SLC25A31: variants seen among roughly 807,000 people sequenced by gnomAD.
SLC25A31 encodes the protein solute carrier family 25 member 31.
Under a neutral mutation model 36.2 loss-of-function variants are expected in SLC25A31, and 40 were observed. The observed-to-expected ratio is 1.10, with a 90% confidence interval of 0.86 to 1.44. SLC25A31 has a LOEUF of 1.44. Among genes scored for constraint, SLC25A31 ranks in the 40% most tolerant of loss-of-function variants. The pLI is 0.00. For synonymous variants in SLC25A31, 143 were observed against 149.7 expected, an observed-to-expected ratio of 0.96 and a Z score of 0.32; for missense variants, 350 against 397.1, an observed-to-expected ratio of 0.88 and a Z score of 1.01.
chr4:127,772,175 C>T lies in SLC25A31; in HGVS notation c.760-1211C>T, dbSNP rs186639686. On this transcript the variant is annotated intron_variant, in intron 5 of 5. Transcript: ENST00000281154. ...AATTAAACGTTCATTGAATGTTTAG[C>T]AGAACTCACATGTAAAGCCTTTTGG... Among the ~76,000 whole-genome samples the T allele has an allele frequency of 1.7e-3, 262 of 152,266 alleles. 2 individuals carry two copies. The highest frequency in any genetic ancestry group is 6.0e-3 in the African/African-American group (250 of 41,562).
At position 127,739,556 on chromosome 4, in the gene SLC25A31, G is replaced by A. The variant is rs74924205; in HGVS notation, c.233-5116G>A. ...TTTAGTGTTGACCTTGGACATTCTG[G>A]TGACTATATGCCTTGGTGATTGATG... On this transcript the variant is annotated intron_variant, in intron 1 of 5. Transcript: ENST00000281154. Among the ~76,000 whole-genome samples the A allele has an allele frequency of 7.2e-3, 1,095 of 152,150 alleles. 12 individuals are homozygous for A. Among genetic ancestry groups the A allele is most frequent in the African/African-American group, 0.025 (1,044 of 41,494 alleles).
At chr4:127,770,989 C>G (rs1211139084) in intron 5 of SLC25A31, among the ~76,000 whole-genome samples, 2 of 131,842 alleles carry the variant, frequency 1.5e-5, no homozygotes. Flanking sequence ...TGGAGTCTCA[C>G]TGTGTCGCCG....
chr4:127,750,537 G>A (rs1015130194), intron 2 of SLC25A31, among the ~76,000 whole-genome samples: 42 of 151,996 alleles, frequency 2.8e-4, no homozygotes, highest in Middle Eastern at 3.2e-3. Context: ...AATCCTTAAC[G>A]TCAGAAGACA....
At chr4:127,754,227 T>A (rs1036425867) in intron 2 of SLC25A31, among the ~76,000 whole-genome samples, 1 of 152,140 alleles carries the variant, frequency 6.6e-6, no homozygotes, top group African/African-American at 2.4e-5. Flanking sequence ...GCTTTTTCTC[T>A]AAGATCACAA....
intron 5 of SLC25A31, among the ~76,000 whole-genome samples, chr4:127,770,949 CT>C (rs558206857): frequency 6.0e-3 from 484 of 80,828 alleles, no homozygotes; most frequent in African/African-American, 0.017. Flanking sequence ...TCTTCTTCTT[CT>C]TTTTTTTTTT....
intron 1 of SLC25A31, among the ~76,000 whole-genome samples, chr4:127,731,384 A>AT (rs1578652020): frequency 6.6e-6 from 1 of 151,678 alleles, no homozygotes; most frequent in East Asian, 1.9e-4. Flanking sequence ...AAAAAAAAAA[A>AT]CCCAACCCTC....
At chr4:127,762,479 A>ATGAAAATATTCT (rs1400110215) in intron 2 of SLC25A31, among the ~76,000 whole-genome samples, 1 of 152,196 alleles carries the variant, frequency 6.6e-6, no homozygotes, top group Non-Finnish European at 1.5e-5. Context: ...TTTTGGTGTG[A>ATGAAAATATTCT]TGAAAATATT....
rs201951318 is a variant in SLC25A31, at chr4:127,764,312, T to C, written c.430T>C (p.Tyr144His). 3.7e-6 allele frequency: 6 copies of C among 1,614,146 alleles called. No individual in the cohort carries two copies. In the Admixed American group the frequency reaches 1.0e-4, roughly 27 times the overall value. ...TGGGGCAACATCCTTATGTGTAGTA[T>C]ATCCTCTAGATTTTGCCCGAACCCG... Reference protein sequence around the residue: ...AAGATSLCVVYPLDFARTRLG... With the variant: ...AAGATSLCVVHPLDFARTRLG... Residue 144 changes from tyrosine to histidine, a missense_variant, in exon 3 of 6, where the codon TAT becomes CAT. Coordinates refer to ENST00000281154, the MANE Select transcript of SLC25A31 (RefSeq NM_031291.4).
In SLC25A31 at chr4:127,760,621, G is replaced by A. The variant is rs145493320; in HGVS notation, c.361-3622G>A. 3.7e-4 allele frequency among the ~76,000 whole-genome samples: 56 copies of A among 152,338 alleles called. 1 individual carries two copies. The East Asian group carries it at 9.4e-3, about 26-fold the overall frequency. On this transcript the variant is annotated intron_variant, in intron 2 of 5. Transcript: ENST00000281154. ...TTTGGTCTCAGGGCATTTGTTGTTT[G>A]ATGCATCATTGAGTCTTTTCACACA...
intron 2 of SLC25A31, among the ~76,000 whole-genome samples, chr4:127,748,491 G>C (rs1357532082): frequency 6.6e-6 from 1 of 152,176 alleles, no homozygotes; most frequent in African/African-American, 2.4e-5. Context: ...AGTGGTTCCA[G>C]AGTTGGGAGG....
intron 2 of SLC25A31, among the ~76,000 whole-genome samples, chr4:127,749,647 T>A (rs1372170220): frequency 6.6e-6 from 1 of 150,518 alleles, no homozygotes; most frequent in Non-Finnish European, 1.5e-5. Context: ...AGGTGGAGAT[T>A]GCAGTGAGCT....
chr4:127,744,783 TTAA>T lies in SLC25A31; in HGVS notation c.348_350del (p.Asn116del), dbSNP rs1731794551. 6.5e-7 allele frequency: 1 copy of T among 1,528,582 alleles called. No homozygotes were observed. Among genetic ancestry groups the T allele is most frequent in the Non-Finnish European group, 8.8e-7 (1 of 1,132,380 alleles). 94.7% of individuals were successfully genotyped at this position (1,528,582 alleles called of 1,614,324 possible). A position where few individuals can be genotyped will look rare whatever the true frequency, so the allele number is the denominator to read the frequency against. On this transcript the variant is annotated inframe_deletion, in exon 2 of 6. Transcript: ENST00000281154. ...TACAAGCAGCTATTCATGTCTGGAG[TTAA>T]TAAAGAAAAACAGGTAATTATATTT...
chr4:127,756,509 G>A (rs1732033655), intron 2 of SLC25A31, among the ~76,000 whole-genome samples: 1 of 151,984 alleles, frequency 6.6e-6, no homozygotes, highest in Non-Finnish European at 1.5e-5. Context: ...TAAGTTTTAG[G>A]GCTCTGTTGT....
At chr4:127,732,787 A>G (rs1262559577) in intron 1 of SLC25A31, among the ~76,000 whole-genome samples, 2 of 152,198 alleles carry the variant, frequency 1.3e-5, no homozygotes, top group Non-Finnish European at 2.9e-5. Context: ...GGTGTATCCT[A>G]TGCTAAGAGA....
At chr4:127,770,949 C>CTTTTTTT (rs558206857) in intron 5 of SLC25A31, among the ~76,000 whole-genome samples, 46 of 80,800 alleles carry the variant, frequency 5.7e-4, no homozygotes, top group African/African-American at 1.8e-3. Context: ...TCTTCTTCTT[C>CTTTTTTT]TTTTTTTTTT....
Position 127,773,507 on chromosome 4 carries a change from G to C in SLC25A31, c.881G>C (p.Gly294Ala). The stretch of plus-strand genomic sequence containing the variant: ...TCCAATGTTCTTCGCGGTACAGGGG[G>C]TGCTTTGGTGTTGGTATTATATGAT... The part of the protein sequence containing the change: ...AFSNVLRGTG[G>A]ALVLVLYDKI... The change falls in exon 6 of 6, where the codon GGT becomes GCT. Residue 294 changes from glycine (G) to alanine (A), a missense_variant. Gly to Ala is a moderately conservative substitution (Grantham distance 60). Transcript: ENST00000281154. 6.2e-7 allele frequency: 1 copy of C among 1,613,422 alleles called. No homozygotes were observed.
At chr4:127,749,734 A>G (rs1215589548) in intron 2 of SLC25A31, among the ~76,000 whole-genome samples, 1 of 149,834 alleles carries the variant, frequency 6.7e-6, no homozygotes, top group Non-Finnish European at 1.5e-5. Context: ...AAAGCCAGGT[A>G]CAGTGACTCA....
At chr4:127,768,695 A>C in intron 4 of SLC25A31, 57 bp from the exon 5 acceptor site, 3 of 1,424,894 alleles carry the variant, frequency 2.1e-6, no homozygotes, top group African/African-American at 1.4e-5. Flanking sequence ...CTTTAACTTA[A>C]GAATTTAAGA....
chr4:127,752,318 G>A (rs1365303509), intron 2 of SLC25A31, among the ~76,000 whole-genome samples: 1 of 151,148 alleles, frequency 6.6e-6, no homozygotes, highest in Non-Finnish European at 1.5e-5. Flanking sequence ...CTATTGCAAG[G>A]ACAAAAAACC....
Sources: allele counts gnomAD v4.1 joint callset (sites outside exome capture counted in the v4.1 genomes callset), GRCh38; gene constraint gnomAD v4.1.1; transcripts MANE v1.5; gene names NCBI Gene and HGNC (gene_info 2026-07-23, HGNC 2026-07-21).